The following NTRK2 variants were observed in gnomAD, a reference collection of about 807,000 sequenced individuals.
The protein encoded by NTRK2 is neurotrophic receptor tyrosine kinase 2, also known as BDNF/NT-3 growth factors receptor.
A neutral mutation model predicts 94.5 loss-of-function variants in NTRK2; 13 were observed. That is an observed-to-expected ratio of 0.14 (90% CI 0.09 to 0.22). The LOEUF (loss-of-function observed/expected upper bound fraction) is 0.22, where lower values mean the gene tolerates loss of function less well. NTRK2 is among the 10% of genes least tolerant of loss of function. The pLI is 1.00. For missense variants in NTRK2, 639 were observed against 1,071.2 expected, an observed-to-expected ratio of 0.60 and a Z score of 5.63; for synonymous variants, 372 against 407.4, an observed-to-expected ratio of 0.91 and a Z score of 1.05.
intron 14 of NTRK2, among the ~76,000 whole-genome samples, chr9:84,880,121 A>G (rs1002110458): frequency 6.6e-6 from 1 of 152,234 alleles, no homozygotes; most frequent in African/African-American, 2.4e-5. Flanking sequence ...AAAATCCTAG[A>G]AAAAGCAAGC....
At chr9:84,888,193 G>C (rs767003092) in intron 14 of NTRK2, among the ~76,000 whole-genome samples, 2 of 152,178 alleles carry the variant, frequency 1.3e-5, no homozygotes, top group East Asian at 1.9e-4. Context: ...ACCAGTTCTG[G>C]AAAGGGAAGG....
At chr9:84,937,696 AGAG>A (rs1233864880) in intron 15 of NTRK2, among the ~76,000 whole-genome samples, 2 of 152,214 alleles carry the variant, frequency 1.3e-5, no homozygotes, top group Non-Finnish European at 2.9e-5. Flanking sequence ...GAACCCATAG[AGAG>A]GAGGAGAAGC....
At chr9:84,999,375 G>A (rs1830099392) in intron 17 of NTRK2, among the ~76,000 whole-genome samples, 1 of 152,150 alleles carries the variant, frequency 6.6e-6, no homozygotes, top group East Asian at 1.9e-4. Flanking sequence ...CTCTTGTGAT[G>A]AAAATTGTAT....
At chr9:84,899,954 C>A (rs1048144945) in intron 14 of NTRK2, among the ~76,000 whole-genome samples, 7 of 152,152 alleles carry the variant, frequency 4.6e-5, no homozygotes, top group Middle Eastern at 3.2e-3. Flanking sequence ...GTCTTAGGGT[C>A]CTTTAGAAAA....
chr9:84,935,751 C>T (rs972065017), intron 15 of NTRK2, among the ~76,000 whole-genome samples: 6 of 152,146 alleles, frequency 3.9e-5, no homozygotes, highest in Non-Finnish European at 1.5e-5. Flanking sequence ...CTATTACTTC[C>T]TCTTTTACTT....
At chr9:84,702,489 T>C in intron 4 of NTRK2, 70 bp downstream of exon 4, 1 of 1,337,102 alleles carries the variant, frequency 7.5e-7, no homozygotes, top group Non-Finnish European at 1.1e-6. Flanking sequence ...CTGTTTATTT[T>C]CCTTCTTTTC....
At chr9:84,945,217 T>C (rs2078557634) in intron 15 of NTRK2, among the ~76,000 whole-genome samples, 1 of 152,208 alleles carries the variant, frequency 6.6e-6, no homozygotes, top group Non-Finnish European at 1.5e-5. Flanking sequence ...GTTCAACTTT[T>C]CCAGATGATC....
chr9:84,756,826 T>C (rs2065128010), intron 12 of NTRK2, among the ~76,000 whole-genome samples: 1 of 152,194 alleles, frequency 6.6e-6, no homozygotes, highest in Admixed American at 6.5e-5. Flanking sequence ...TACCCTGCCT[T>C]GGGATGCAGA....
chr9:84,870,085 A>ACT (rs2075771502), intron 14 of NTRK2, among the ~76,000 whole-genome samples: 1 of 135,220 alleles, frequency 7.4e-6, no homozygotes, highest in African/African-American at 2.8e-5. Flanking sequence ...TCAATTAGAT[A>ACT]ATTCCCATTG....
chr9:84,669,584 C>A (rs1426940697), upstream of NTRK2: 1 of 153,344 alleles, frequency 6.5e-6, no homozygotes, highest in Non-Finnish European at 1.5e-5. The surrounding 1 kb of genome is among the most constrained non-coding windows in gnomAD (Gnocchi z 4.1). Flanking sequence ...CTCCTCCCTG[C>A]TCGCCCCCAG....
chr9:85,020,171 G>A lies in NTRK2; in HGVS notation c.2173-35G>A, dbSNP rs746078953. The A allele has an allele frequency of 3.1e-6, 5 of 1,613,310 alleles. No individual in the cohort carries two copies. The East Asian group carries it at 8.9e-5, about 29-fold the overall frequency. On this transcript the variant is annotated intron_variant, in intron 17 of 18. Coordinates refer to ENST00000277120, the MANE Select transcript of NTRK2 (RefSeq NM_006180.6). ...TCCCTTCCACACCTGGTTTCGGGGT[G>A]ACTGATGCCTCCCTGTTGATCCCTT...
intron 9 of NTRK2, among the ~76,000 whole-genome samples, chr9:84,733,445 T>G (rs1176937307): frequency 6.6e-6 from 1 of 152,166 alleles, no homozygotes; most frequent in Non-Finnish European, 1.5e-5. Context: ...GCCAGCTGTC[T>G]TTGGAGGTAT....
rs71369141 is a variant in NTRK2, at chr9:84,706,527, G to GTTTTTTT, written c.360-1303_360-1297dup. Among the ~76,000 whole-genome samples, 145 of 81,658 alleles carry GTTTTTTT rather than the reference G, an allele frequency of 1.8e-3. 1 individual carries two copies. Among genetic ancestry groups the GTTTTTTT allele is most frequent in the Middle Eastern group, 7.7e-3 (1 of 130 alleles). The allele number at this position is 81,658 out of a possible 152,430, so 53.6% of individuals were successfully genotyped here. A position where few individuals can be genotyped will look rare whatever the true frequency, so the allele number is the denominator to read the frequency against. On this transcript the variant is annotated intron_variant, in intron 4 of 18. Coordinates refer to ENST00000277120, the MANE Select transcript of NTRK2 (RefSeq NM_006180.6). ...CTCATGTGTGTTATTTTTTGTTTTT[G>GTTTTTTT]TTTTTTTTTTTTTTTTTTTTGAGAC... is the stretch of plus-strand genomic sequence containing the variant.
At chr9:84,671,949 A>G (rs545249152) in intron 2 of NTRK2, among the ~76,000 whole-genome samples, 1 of 152,300 alleles carries the variant, frequency 6.6e-6, no homozygotes, top group East Asian at 1.9e-4. Flanking sequence ...CTGTCATTCC[A>G]TACATCTCAT....
intron 12 of NTRK2, among the ~76,000 whole-genome samples, chr9:84,790,115 G>A (rs1461191115): frequency 6.6e-6 from 1 of 152,112 alleles, no homozygotes; most frequent in Non-Finnish European, 1.5e-5. Context: ...CTTGGTCTGG[G>A]AATCTAAGTG....
At chr9:84,794,437 A>T (rs1262196226) in intron 12 of NTRK2, among the ~76,000 whole-genome samples, 2 of 152,240 alleles carry the variant, frequency 1.3e-5, no homozygotes, top group African/African-American at 4.8e-5. Flanking sequence ...ATCATGGCAT[A>T]GCCAAAAAAC....
At chr9:85,010,560 A>G (rs1831452834) in intron 17 of NTRK2, among the ~76,000 whole-genome samples, 1 of 152,208 alleles carries the variant, frequency 6.6e-6, no homozygotes, top group Admixed American at 6.5e-5. Flanking sequence ...ACCTCACACC[A>G]GGCAGCGTGG....
At chr9:84,916,729 G>A (rs550757281) in intron 14 of NTRK2, among the ~76,000 whole-genome samples, 1 of 152,116 alleles carries the variant, frequency 6.6e-6, no homozygotes, top group Non-Finnish European at 1.5e-5. Context: ...GCTGAGATTA[G>A]TCAAAGACCA....
intron 17 of NTRK2, among the ~76,000 whole-genome samples, chr9:84,969,995 G>A (rs977861130): frequency 6.6e-6 from 1 of 152,188 alleles, no homozygotes; most frequent in Non-Finnish European, 1.5e-5. Context: ...ATAGTCTCTG[G>A]AGCCAGATTT....
Sources: allele counts gnomAD v4.1 joint callset (sites outside exome capture counted in the v4.1 genomes callset), GRCh38; gene constraint gnomAD v4.1.1; non-coding constraint Gnocchi (gnomAD v3.1); transcripts MANE v1.5; gene names NCBI Gene and HGNC (gene_info 2026-07-23, HGNC 2026-07-21).